Variants in HNRNPA2B1 observed in about 807,000 individuals in gnomAD.
HNRNPA2B1 encodes heterogeneous nuclear ribonucleoprotein A2/B1.
A neutral mutation model predicts 46.3 loss-of-function variants in HNRNPA2B1; 3 were observed. The ratio of observed to expected loss-of-function variants is 0.06; its 90% CI spans 0.03 to 0.17. The LOEUF (loss-of-function observed/expected upper bound fraction) is 0.17. Ranked by LOEUF, HNRNPA2B1 falls within the 10% of genes least tolerant of loss-of-function variation. The pLI is 1.00. For missense variants in HNRNPA2B1, 221 were observed against 418.9 expected (o/e 0.53, Z 4.12); for synonymous variants, 225 against 133.8 (o/e 1.68, Z -4.70).
At chr7:26,199,221 C>T (rs1283782206) in intron 1 of HNRNPA2B1, 4 of 152,610 alleles carry the variant, frequency 2.6e-5, no homozygotes, top group African/African-American at 9.6e-5. Context: ...CCGATGTCCA[C>T]TATCGATTTT....
intron 7 of HNRNPA2B1, among the ~76,000 whole-genome samples, chr7:26,195,377 CACA>C (rs1225815449): frequency 6.6e-5 from 10 of 152,274 alleles, no homozygotes; most frequent in Admixed American, 4.6e-4. Context: ...AATGGTAGTT[CACA>C]ACCTTATCTG....
intron 9 of HNRNPA2B1, among the ~76,000 whole-genome samples, 154 bp downstream of exon 9, chr7:26,193,097 G>A (rs1783097236): frequency 1.3e-5 from 2 of 152,052 alleles, no homozygotes; most frequent in Admixed American, 6.6e-5. Context: ...GTACTTCTGT[G>A]GAGATTTATG....
At chr7:26,193,036 C>A (rs1783089002) in intron 9 of HNRNPA2B1, among the ~76,000 whole-genome samples, 1 of 152,056 alleles carries the variant, frequency 6.6e-6, no homozygotes, top group South Asian at 2.1e-4. Context: ...TACTGAACAC[C>A]CCCACCTCCA....
intron 4 of HNRNPA2B1, 34 bp from the exon 5 acceptor site, chr7:26,196,692 A>C (rs761299609): frequency 6.3e-7 from 1 of 1,585,854 alleles, no homozygotes; most frequent in Non-Finnish European, 8.6e-7. Flanking sequence ...TTTTAAATTA[A>C]ATCAACAATA....
At chr7:26,199,001 C>T (rs1038085788) in intron 1 of HNRNPA2B1, 2 of 152,178 alleles carry the variant, frequency 1.3e-5, no homozygotes, top group South Asian at 4.1e-4. Context: ...ATCAAACTAG[C>T]TCCTATGAGA....
intron 7 of HNRNPA2B1, among the ~76,000 whole-genome samples, chr7:26,195,210 G>A (rs1220063921): frequency 1.4e-5 from 2 of 147,442 alleles, no homozygotes; most frequent in Non-Finnish European, 3.0e-5. Context: ...ATTATAAAAA[G>A]TAGAACAGTG....
In HNRNPA2B1 at chr7:26,193,711, CT is replaced by C; in HGVS notation, c.722-18del. On this transcript the variant is annotated intron_variant, in intron 7 of 10. Coordinates refer to ENST00000618183, the MANE Select transcript of HNRNPA2B1 (RefSeq NM_002137.4). The stretch of plus-strand genomic sequence containing the variant: ...AATTGCCACCTATTATAAAATAAGC[CT>C]TTAAGTAATCACTTAATATTTTCAA... 1 of 1,603,482 alleles carries C rather than the reference CT, an allele frequency of 6.2e-7. No individual in the cohort carries two copies. The highest frequency in any genetic ancestry group is 8.5e-7 in the Non-Finnish European group (1 of 1,173,200).
rs1320371500 is a variant in HNRNPA2B1, at chr7:26,192,157, G to A, written c.*203C>T. 5.4e-6 allele frequency: 1 copy of A among 184,456 alleles called. No individual in the cohort carries two copies. Among genetic ancestry groups the A allele is most frequent in the Non-Finnish European group, 1.1e-5 (1 of 87,784 alleles). 11.4% of individuals were successfully genotyped at this position (184,456 alleles called of 1,614,324 possible). A position where few individuals can be genotyped will look rare whatever the true frequency, so the allele number is the denominator to read the frequency against. On this transcript the variant is annotated 3_prime_UTR_variant, in exon 11 of 11. Coordinates refer to ENST00000618183, the MANE Select transcript of HNRNPA2B1 (RefSeq NM_002137.4). Reference sequence around the variant, plus strand: ...AATCCTTCCTCCACAGTAAGGTAATGTTATTAAATAATCCAATCCATTCAC... The same window carrying A: ...AATCCTTCCTCCACAGTAAGGTAATATTATTAAATAATCCAATCCATTCAC...
intron 7 of HNRNPA2B1, among the ~76,000 whole-genome samples, chr7:26,194,725 G>A (rs1420619473): frequency 6.6e-6 from 1 of 150,846 alleles, no homozygotes; most frequent in Non-Finnish European, 1.5e-5. Flanking sequence ...ACTCCACACA[G>A]TATGTTCTTT....
In HNRNPA2B1 at chr7:26,191,151, AATG is replaced by A. The variant is rs752424416; in HGVS notation, c.*1206_*1208del. The A allele has an allele frequency of 6.6e-5, 10 of 152,164 alleles. No homozygotes were observed. The highest frequency in any genetic ancestry group is 1.2e-4 in the African/African-American group (5 of 41,314). 9.4% of individuals were successfully genotyped at this position (152,164 alleles called of 1,614,324 possible). ...ATGCTAAAATTCCGGCAGGGAAAAAAATGATATGTTAAGCACCCAAATCTTCAC... is the reference window on the plus strand; with the variant it reads ...ATGCTAAAATTCCGGCAGGGAAAAAAATATGTTAAGCACCCAAATCTTCAC... On this transcript the variant is annotated 3_prime_UTR_variant, in exon 11 of 11. Transcript: ENST00000618183.
Position 26,197,351 on chromosome 7 carries a change from C to T in HNRNPA2B1, c.228G>A (p.Gly76=), listed in dbSNP as rs1406385735. ...AMAARPHSID[G]RVVEPKRAVA... ...CAGCACGTTTTGGCTCAACTACTCT[C>T]CCATCAATTGAATGAGGTCTTGCAG... The change falls in exon 3 of 11, where the codon GGG becomes GGA. Residue 76 remains glycine, a synonymous_variant. Transcript: ENST00000618183. 2 of 1,613,862 alleles carry T rather than the reference C, an allele frequency of 1.2e-6. No homozygotes were observed. Among genetic ancestry groups the T allele is most frequent in the East Asian group, 2.2e-5 (1 of 44,880 alleles).
At chr7:26,200,150 T>C (rs1784231376) in intron 1 of HNRNPA2B1, 1 of 215,732 alleles carries the variant, frequency 4.6e-6, no homozygotes, top group Admixed American at 5.2e-5. Context: ...GGCCGCCAAA[T>C]CCGGTTCCCG....
At chr7:26,197,541 G>A in intron 2 of HNRNPA2B1, 80 bp from the exon 3 acceptor site, 3 of 1,561,422 alleles carry the variant, frequency 1.9e-6, no homozygotes, top group Non-Finnish European at 1.8e-6. Flanking sequence ...TTTTTACTAT[G>A]CTGATAGTTA....
chr7:26,197,117 A>C, intron 3 of HNRNPA2B1, 100 bp from the exon 4 acceptor site: 1 of 1,113,142 alleles, frequency 9.0e-7, no homozygotes, highest in South Asian at 1.5e-5. Flanking sequence ...TATCCACCTT[A>C]AAACTACCAG....
intron 2 of HNRNPA2B1, 80 bp downstream of exon 2, chr7:26,197,542 C>A (rs948453303): frequency 1.3e-6 from 2 of 1,562,898 alleles, no homozygotes; most frequent in Non-Finnish European, 1.8e-6. Context: ...TTTTACTATG[C>A]TGATAGTTAT....
At chr7:26,197,149 C>T (rs1251691274) in intron 3 of HNRNPA2B1, 132 bp from the exon 4 acceptor site, 7 of 1,114,676 alleles carry the variant, frequency 6.3e-6, no homozygotes, top group Admixed American at 2.4e-5. Context: ...CTTTTAGGGA[C>T]CTAGCTTTTG....
intron 6 of HNRNPA2B1, among the ~76,000 whole-genome samples, 181 bp from the exon 7 acceptor site, chr7:26,196,090 T>C (rs989769864): frequency 1.3e-5 from 2 of 152,210 alleles, no homozygotes; most frequent in Non-Finnish European, 1.5e-5. Context: ...CGCCTAAATT[T>C]TGGACTCTTA....
At chr7:26,198,275 G>C (rs757427341) in intron 1 of HNRNPA2B1, 1 of 155,336 alleles carries the variant, frequency 6.4e-6, no homozygotes, top group African/African-American at 2.4e-5. Context: ...AAGTATCTCA[G>C]CCAAAAAAAC....
intron 1 of HNRNPA2B1, 104 bp downstream of exon 1, chr7:26,200,468 G>A (rs1462488185): frequency 2.5e-6 from 3 of 1,190,480 alleles, no homozygotes; most frequent in South Asian, 2.4e-5. Context: ...GAATTGGTCC[G>A]ATTTCCTGCC....
Sources: gnomAD v4.1 joint callset for allele counts (sites outside exome capture counted in the v4.1 genomes callset) on GRCh38, gnomAD v4.1.1 for gene constraint, MANE v1.5 for transcripts, NCBI Gene and HGNC (gene_info 2026-07-23, HGNC 2026-07-21) for gene names.